LSR: variants seen among roughly 807,000 people sequenced by gnomAD.
The protein encoded by LSR is lipolysis stimulated lipoprotein receptor.
A neutral mutation model predicts 61.8 loss-of-function variants in LSR; 44 were observed. The ratio of observed to expected loss-of-function variants is 0.71; its 90% CI spans 0.56 to 0.91. The LOEUF (loss-of-function observed/expected upper bound fraction) is 0.91, where lower values mean the gene tolerates loss of function less well. Among genes scored for constraint, LSR ranks in the 40% least tolerant of loss-of-function variants. The probability of loss-of-function intolerance (pLI) is 0.00; values close to 1 mark genes in which losing one functional copy is unlikely to be tolerated. For missense variants in LSR, 911 were observed against 830.5 expected, an observed-to-expected ratio of 1.10 and a Z score of -1.19; for synonymous variants, 397 against 350.6, an observed-to-expected ratio of 1.13 and a Z score of -1.48.
chr19:35,251,843 C>CTGTTTTTTTTTT (rs1555748774), intron 2 of LSR: 17 of 121,632 alleles, frequency 1.4e-4, no homozygotes, highest in African/African-American at 5.3e-4. Flanking sequence ...GAACCTTGTT[C>CTGTTTTTTTTTT]TTTTTTTTTG....
At chr19:35,258,360 T>C (rs2519959) in intron 2 of LSR, among the ~76,000 whole-genome samples, 101,380 of 151,896 alleles carry the variant, frequency 0.67, 35,018 homozygotes, top group Middle Eastern at 0.81. Flanking sequence ...GCAGGAGAAT[T>C]GCTTGAATCT....
chr19:35,253,323 A>G (rs2065818804), intron 2 of LSR: 1 of 152,282 alleles, frequency 6.6e-6, no homozygotes, highest in African/African-American at 2.4e-5. Flanking sequence ...GTCTTAAAAA[A>G]AAAAGAAAAA....
At position 35,249,410 on chromosome 19, in the gene LSR, G is replaced by A. The variant is rs1352443208; in HGVS notation, c.109+279G>A. ...CAGGGAGAATGGAACTCTTTGTGGG[G>A]AGGGAGTGGAAGACCGCCCGATCTC... On this transcript the variant is annotated intron_variant, in intron 1 of 9. Transcript: ENST00000605618. 9 of 466,782 alleles carry A rather than the reference G, an allele frequency of 1.9e-5. No individual in the cohort carries two copies. In the East Asian group the frequency reaches 2.8e-4, roughly 15 times the overall value. The allele number at this position is 466,782 out of a possible 1,614,324, so 28.9% of individuals were successfully genotyped here. A position where few individuals can be genotyped will look rare whatever the true frequency, so the allele number is the denominator to read the frequency against.
At chr19:35,254,021 A>G (rs1031006197) in intron 2 of LSR, among the ~76,000 whole-genome samples, 2 of 152,206 alleles carry the variant, frequency 1.3e-5, no homozygotes, top group African/African-American at 2.4e-5. Context: ...CCATAGCCAT[A>G]GGAGCTTCCT....
At chr19:35,254,579 T>C (rs560859382) in intron 2 of LSR, among the ~76,000 whole-genome samples, 3 of 152,082 alleles carry the variant, frequency 2.0e-5, no homozygotes, top group Non-Finnish European at 4.4e-5. Context: ...TGCCCCCACC[T>C]CCAGCTGCAC....
rs1343456688 is a variant in LSR, at chr19:35,266,668, C to A, written c.953-11C>A. 18 of 1,606,048 alleles carry A rather than the reference C, an allele frequency of 1.1e-5. No individual in the cohort carries two copies. Among genetic ancestry groups the A allele is most frequent in the Non-Finnish European group, 1.4e-5 (16 of 1,176,858 alleles). On this transcript the variant is annotated splice_polypyrimidine_tract_variant and intron_variant, in intron 6 of 9. Coordinates refer to ENST00000605618, the MANE Select transcript of LSR (RefSeq NM_205834.4). ...CCTGGTGCGCGGCCACTGACAGCCACTCTCCCCCAGCTGGTGGCCAAGGCT... is the reference window on the plus strand; with the variant it reads ...CCTGGTGCGCGGCCACTGACAGCCAATCTCCCCCAGCTGGTGGCCAAGGCT...
At position 35,258,972 on chromosome 19, in the gene LSR, C is replaced by T. The variant is rs775508688; in HGVS notation, c.482C>T (p.Ala161Val). 8 of 1,613,870 alleles carry T rather than the reference C, an allele frequency of 5.0e-6. No homozygotes were observed. The highest frequency in any genetic ancestry group is 2.2e-5 in the South Asian group (2 of 91,092). Residue 161 changes from alanine to valine, a missense_variant, in exon 3 of 10, where the codon GCG (alanine) becomes GTG (valine). Transcript: ENST00000605618. ...GNADLTFDQT[A>V]WGDSGVYYCS... ...GCTGACCTGACCTTTGACCAGACGG[C>T]GTGGGGGGACAGTGGTGTGTATTAC...
At chr19:35,261,015 CT>C (rs2065921591) in intron 3 of LSR, among the ~76,000 whole-genome samples, 1 of 152,202 alleles carries the variant, frequency 6.6e-6, no homozygotes, top group Non-Finnish European at 1.5e-5. Flanking sequence ...GCTTTGAGAG[CT>C]GTGACTGACA....
rs368815172 is a variant in LSR at position 35,259,021 on chromosome 19, C to T, written c.531C>T (p.Asp177=). 19 of 1,613,942 alleles carry T rather than the reference C, an allele frequency of 1.2e-5. No individual in the cohort carries two copies. In the African/African-American group the frequency reaches 2.4e-4, roughly 20 times the overall value. The change falls in exon 3 of 10, where the codon GAC becomes GAT. Residue 177 remains aspartate, a synonymous_variant. Coordinates refer to ENST00000605618, the MANE Select transcript of LSR (RefSeq NM_205834.4). ...ACTGCTCCGTGGTCTCAGCCCAGGA[C>T]CTCCAGGGGAACAATGAGGCCTACG... ...VYYCSVVSAQ[D]LQGNNEAYAE...
chr19:35,258,980 G>C lies in LSR; in HGVS notation c.490G>C (p.Asp164His). The C allele has an allele frequency of 1.2e-6, 2 of 1,614,082 alleles. No homozygotes were observed. The highest frequency in any genetic ancestry group is 1.7e-6 in the Non-Finnish European group (2 of 1,180,008). ...DLTFDQTAWG[D>H]SGVYYCSVVS... ...GACCTTTGACCAGACGGCGTGGGGG[G>C]ACAGTGGTGTGTATTACTGCTCCGT... The change falls in exon 3 of 10, where the codon GAC (aspartate) becomes CAC (histidine). Residue 164 changes from aspartate to histidine, a missense_variant. By Grantham distance (81) the Asp-to-His change is moderately conservative. Coordinates refer to ENST00000605618, the MANE Select transcript of LSR (RefSeq NM_205834.4).
intron 5 of LSR, 193 bp downstream of exon 5, chr19:35,262,885 T>TTA (rs2065949166): frequency 6.5e-6 from 4 of 617,578 alleles, no homozygotes; most frequent in Non-Finnish European, 1.1e-5. Context: ...TAGTTTATTT[T>TTA]TATTTATGTT....
intron 2 of LSR, among the ~76,000 whole-genome samples, chr19:35,254,394 C>A (rs1487250659): frequency 6.6e-6 from 1 of 152,222 alleles, no homozygotes. Flanking sequence ...CCATGCCCGG[C>A]CTATCCTGGT....
At chr19:35,250,942 C>T (rs571100513) in intron 2 of LSR, among the ~76,000 whole-genome samples, 3 of 152,056 alleles carry the variant, frequency 2.0e-5, no homozygotes, top group South Asian at 4.2e-4. Context: ...ACTCCAGGTG[C>T]GTGCCACCAC....
intron 2 of LSR, among the ~76,000 whole-genome samples, chr19:35,256,327 CATT>C (rs1313773626): frequency 2.0e-5 from 3 of 151,862 alleles, no homozygotes; most frequent in Non-Finnish European, 4.4e-5. Context: ...ACAATAAAGT[CATT>C]ATAGATTAAC....
At position 35,266,918 on chromosome 19, in the gene LSR, C is replaced by A. The variant is rs1233029368; in HGVS notation, c.1095C>A (p.Ala365=). The A allele has an allele frequency of 6.2e-7, 1 of 1,613,860 alleles. No individual in the cohort carries two copies. Among genetic ancestry groups the A allele is most frequent in the African/African-American group, 1.3e-5 (1 of 75,052 alleles). The change falls in exon 8 of 10, where the codon GCC becomes GCA. Residue 365 remains alanine, a synonymous_variant. Coordinates refer to ENST00000605618, the MANE Select transcript of LSR (RefSeq NM_205834.4). ...RVLYYMEKEL[A]NFDPSRPGPP... ...TGTACTACATGGAGAAGGAGCTGGC[C>A]AACTTCGACCCTTCTCGACCTGGCC... is the stretch of plus-strand genomic sequence containing the variant.
At chr19:35,266,101 G>A (rs890827823) in intron 5 of LSR, among the ~76,000 whole-genome samples, 1 of 152,236 alleles carries the variant, frequency 6.6e-6, no homozygotes, top group African/African-American at 2.4e-5. Context: ...CCCTGGGGCT[G>A]TGGGTGCCTG....
chr19:35,267,637 C>T lies in LSR; in HGVS notation c.1673C>T (p.Pro558Leu), dbSNP rs2066039189. Reference protein sequence around the residue: ...RKKGSEERRRPHKEEEEEAYY... With the variant: ...RKKGSEERRRLHKEEEEEAYY... Reference sequence around the variant, plus strand: ...AAGGGGTCGGAGGAGAGGAGGAGACCCCACAAGGAGGAGGAGGAAGAGGCC... The same window carrying T: ...AAGGGGTCGGAGGAGAGGAGGAGACTCCACAAGGAGGAGGAGGAAGAGGCC... Residue 558 changes from proline (P) to leucine (L), a missense_variant, in exon 9 of 10, where the codon CCC becomes CTC. Coordinates refer to ENST00000605618, the MANE Select transcript of LSR (RefSeq NM_205834.4). 6.2e-7 allele frequency: 1 copy of T among 1,611,812 alleles called. No homozygotes were observed. Among genetic ancestry groups the T allele is most frequent in the East Asian group, 2.2e-5 (1 of 44,846 alleles).
Position 35,266,962 on chromosome 19 carries a change from A to G in LSR, c.1139A>G (p.Glu380Gly). The G allele has an allele frequency of 6.2e-7, 1 of 1,610,938 alleles. No individual in the cohort carries two copies. Among genetic ancestry groups the G allele is most frequent in the Non-Finnish European group, 8.5e-7 (1 of 1,178,542 alleles). The change falls in exon 8 of 10, where the codon GAG (glutamate) becomes GGG (glycine). Residue 380 changes from glutamate to glycine, a missense_variant. Glu to Gly is a moderately conservative substitution (Grantham distance 98, BLOSUM62 -2). Transcript: ENST00000605618. ...SRPGPPSGRV[E>G]RAMSEVTSLH... ...CCTGGCCCCCCCAGTGGCCGTGTGG[A>G]GCGGGGTAAGCAGGAGCCTTGGGGT...
chr19:35,259,705 A>C (rs1344070134), intron 3 of LSR, among the ~76,000 whole-genome samples: 1 of 151,986 alleles, frequency 6.6e-6, no homozygotes. Flanking sequence ...ATGGTGTGCA[A>C]AATCGACCCA....
Sources: gnomAD v4.1 joint callset for allele counts (sites outside exome capture counted in the v4.1 genomes callset) on GRCh38, gnomAD v4.1.1 for gene constraint, MANE v1.5 for transcripts, NCBI Gene and HGNC (gene_info 2026-07-23, HGNC 2026-07-21) for gene names.